Variants in KAZN observed in about 807,000 individuals in gnomAD.
KAZN encodes kazrin, periplakin interacting protein, also known as kazrin.
KAZN carries 40 observed loss-of-function variants against 87.4 expected under a neutral mutation model. The ratio of observed to expected loss-of-function variants is 0.46; its 90% CI spans 0.36 to 0.60. The LOEUF (loss-of-function observed/expected upper bound fraction) is 0.60, where lower values mean the gene tolerates loss of function less well. Among genes scored for constraint, KAZN ranks in the 20% least tolerant of loss-of-function variants. KAZN has a pLI of 0.00. For synonymous variants in KAZN, 466 were observed against 458.3 expected (o/e 1.02, Z -0.22); for missense variants, 898 against 1,073.9 (o/e 0.84, Z 2.29).
chr1:14,368,309 T>C (rs1369256764), intron 2 of KAZN, among the ~76,000 whole-genome samples: 2 of 152,210 alleles, frequency 1.3e-5, no homozygotes, highest in African/African-American at 4.8e-5. Context: ...ACAGACGGGA[T>C]GCATCCCTGA....
intron 1 of KAZN, among the ~76,000 whole-genome samples, chr1:14,114,503 C>T (rs1644569751): frequency 6.6e-6 from 1 of 152,092 alleles, no homozygotes; most frequent in African/African-American, 2.4e-5. Context: ...CCTCTCTTTG[C>T]CCACCCCACC....
chr1:15,069,372 T>G (rs536945386), intron 8 of KAZN, among the ~76,000 whole-genome samples: 5 of 152,362 alleles, frequency 3.3e-5, no homozygotes, highest in African/African-American at 9.6e-5. Flanking sequence ...GCAAAAACTT[T>G]GGCCCAGAGA....
At chr1:14,707,111 C>A (rs972412261) in intron 1 of KAZN, among the ~76,000 whole-genome samples, 1 of 152,146 alleles carries the variant, frequency 6.6e-6, no homozygotes, top group Admixed American at 6.5e-5. Context: ...AAAACCTTTG[C>A]CTGGGTGTCA....
chr1:14,524,950 G>A (rs1040075591), intron 2 of KAZN, among the ~76,000 whole-genome samples: 4 of 152,210 alleles, frequency 2.6e-5, no homozygotes, highest in African/African-American at 7.2e-5. Context: ...TCTGGAGAGA[G>A]CCAGACATTT....
rs189551429 is a variant in KAZN, at chr1:14,175,048, G to T, written c.92-5387G>T. ...GTCACTAGGGAGGACTGTAGGCATT[G>T]GTTTAGAGAGGGGCAGTTTTTGAAC... On this transcript the variant is annotated intron_variant, in intron 1 of 16. Coordinates refer to the KAZN transcript ENST00000636203. Among the ~76,000 whole-genome samples the T allele has an allele frequency of 2.0e-5, 3 of 152,314 alleles. No homozygotes were observed. The East Asian group carries it at 5.8e-4, about 29-fold the overall frequency.
intron 3 of KAZN, among the ~76,000 whole-genome samples, chr1:15,035,612 C>T (rs891892262): frequency 1.3e-5 from 2 of 152,156 alleles, no homozygotes; most frequent in Non-Finnish European, 2.9e-5. Flanking sequence ...CTTTGGGAGA[C>T]CCAGGTGGGT....
intron 2 of KAZN, among the ~76,000 whole-genome samples, chr1:14,279,690 A>T (rs527313587): frequency 6.6e-6 from 1 of 152,368 alleles, no homozygotes; most frequent in African/African-American, 2.4e-5. Context: ...ATGAGATGGC[A>T]CATTCATTCA....
At chr1:14,533,874 C>A (rs1010986276) in intron 2 of KAZN, among the ~76,000 whole-genome samples, 1 of 152,170 alleles carries the variant, frequency 6.6e-6, no homozygotes. Context: ...TGCTCACATA[C>A]AAGAGTCAGG....
chr1:14,788,881 C>T (rs561060108), intron 1 of KAZN, among the ~76,000 whole-genome samples: 7 of 152,244 alleles, frequency 4.6e-5, no homozygotes, highest in African/African-American at 1.7e-4. Context: ...GTCTGGGACA[C>T]CCTGAGACAC....
chr1:14,527,757 A>G (rs1214579709), intron 2 of KAZN, among the ~76,000 whole-genome samples: 1 of 152,086 alleles, frequency 6.6e-6, no homozygotes, highest in Non-Finnish European at 1.5e-5. Context: ...TCTTTTTAAC[A>G]GCCAGCTCTA....
chr1:14,904,599 G>C (rs1239523414), intron 1 of KAZN, among the ~76,000 whole-genome samples: 1 of 152,224 alleles, frequency 6.6e-6, no homozygotes, highest in Non-Finnish European at 1.5e-5. Flanking sequence ...CCACATGTCA[G>C]ATTCCCGACT....
At chr1:15,100,794 T>G (rs747678421) in intron 10 of KAZN, among the ~76,000 whole-genome samples, 1 of 152,244 alleles carries the variant, frequency 6.6e-6, no homozygotes, top group Non-Finnish European at 1.5e-5. Flanking sequence ...GCATCCCATC[T>G]GCAGAGCGAG....
At chr1:14,495,630 A>T (rs1319063093) in intron 2 of KAZN, among the ~76,000 whole-genome samples, 2 of 152,108 alleles carry the variant, frequency 1.3e-5, no homozygotes, top group Non-Finnish European at 2.9e-5. Context: ...GACAGAAGTG[A>T]TTATATTAGG....
chr1:14,546,428 G>A (rs1673148100), intron 2 of KAZN, among the ~76,000 whole-genome samples: 1 of 151,820 alleles, frequency 6.6e-6, no homozygotes, highest in Non-Finnish European at 1.5e-5. Context: ...AGTTTAATGT[G>A]AGGGCCTTTT....
intron 1 of KAZN, among the ~76,000 whole-genome samples, chr1:14,045,002 G>A (rs370388395): frequency 7.4e-4 from 112 of 152,218 alleles, no homozygotes; most frequent in African/African-American, 2.6e-3. Flanking sequence ...AGAACCCTGA[G>A]CCACTCAGGG....
intron 1 of KAZN, among the ~76,000 whole-genome samples, chr1:14,871,663 TG>T (rs908739940): frequency 6.6e-6 from 1 of 151,662 alleles, no homozygotes; most frequent in Non-Finnish European, 1.5e-5. Context: ...TGTGTGTGTG[TG>T]TGTGTGTGTG....
At chr1:13,908,006 G>A (rs1557713016) in intron 1 of KAZN, among the ~76,000 whole-genome samples, 1 of 152,194 alleles carries the variant, frequency 6.6e-6, no homozygotes, top group African/African-American at 2.4e-5. Context: ...GATTAGCAGT[G>A]GTAGCAGGAG....
chr1:13,967,466 C>T (rs981953451), intron 1 of KAZN, among the ~76,000 whole-genome samples: 15 of 152,148 alleles, frequency 9.9e-5, no homozygotes, highest in Admixed American at 9.2e-4. Flanking sequence ...CAGCATCCAG[C>T]AGTGTAGGCA....
chr1:14,876,962 G>A (rs999534019), intron 1 of KAZN, among the ~76,000 whole-genome samples: 2 of 152,226 alleles, frequency 1.3e-5, no homozygotes, highest in Non-Finnish European at 2.9e-5. Flanking sequence ...TCAGGTGACA[G>A]AAATTCAACC....
Sources: allele counts gnomAD v4.1 joint callset (sites outside exome capture counted in the v4.1 genomes callset), GRCh38; gene constraint gnomAD v4.1.1; transcripts MANE v1.5; gene names NCBI Gene and HGNC (gene_info 2026-07-23, HGNC 2026-07-21).